Variants in ROBO2 observed in about 807,000 individuals in gnomAD.
ROBO2 encodes roundabout homolog 2.
In ROBO2, 53 loss-of-function variants were observed where a neutral mutation model predicts 160.8. That is an observed-to-expected ratio of 0.33 (90% CI 0.26 to 0.41). The LOEUF (loss-of-function observed/expected upper bound fraction) is 0.41, where lower values mean the gene tolerates loss of function less well. Ranked by LOEUF, ROBO2 falls within the 10% of genes least tolerant of loss-of-function variation. The pLI is 1.00. For synonymous variants in ROBO2, 664 were observed against 611.7 expected, an observed-to-expected ratio of 1.09 and a Z score of -1.26; for missense variants, 1,577 against 1,722.4, an observed-to-expected ratio of 0.92 and a Z score of 1.49.
intron 2 of ROBO2, among the ~76,000 whole-genome samples, chr3:76,707,731 G>GTGTGTATATATATATATATATATA (rs376823667): frequency 7.5e-6 from 1 of 134,196 alleles, no homozygotes; most frequent in Admixed American, 7.7e-5. Context: ...ACATGTGTGT[G>GTGTGTATATATATATATATATATA]TATATATATA....
intron 2 of ROBO2, among the ~76,000 whole-genome samples, chr3:76,207,305 A>T (rs1211408482): frequency 6.6e-6 from 1 of 152,166 alleles, no homozygotes; most frequent in Non-Finnish European, 1.5e-5. Context: ...GTAGTTAAAT[A>T]TATTCTTAAA....
At chr3:77,221,848 CTTTTTCT>C (rs2085847421) in intron 2 of ROBO2, among the ~76,000 whole-genome samples, 3 of 145,044 alleles carry the variant, frequency 2.1e-5, no homozygotes, top group African/African-American at 7.8e-5. Flanking sequence ...TTTTCTTTTT[CTTTTTCT>C]TTTTTTTTTT....
At chr3:76,985,887 T>C (rs2060354809) in intron 2 of ROBO2, among the ~76,000 whole-genome samples, 1 of 152,198 alleles carries the variant, frequency 6.6e-6, no homozygotes, top group Non-Finnish European at 1.5e-5. Flanking sequence ...ATTAACTCCA[T>C]GTGGTCATTA....
At chr3:77,521,791 A>T (rs2090625900) in intron 5 of ROBO2, among the ~76,000 whole-genome samples, 1 of 151,304 alleles carries the variant, frequency 6.6e-6, no homozygotes, top group African/African-American at 2.4e-5. Context: ...ACATCTGGTT[A>T]TGGCAGTTTT....
At chr3:77,332,228 A>G (rs1196609907) in intron 2 of ROBO2, among the ~76,000 whole-genome samples, 1 of 152,180 alleles carries the variant, frequency 6.6e-6, no homozygotes, top group Non-Finnish European at 1.5e-5. Context: ...GAAATGGAAC[A>G]ATATATTTTT....
At chr3:76,075,507 T>C (rs1194612043) in intron 2 of ROBO2, among the ~76,000 whole-genome samples, 1 of 148,566 alleles carries the variant, frequency 6.7e-6, no homozygotes, top group African/African-American at 2.5e-5. Context: ...GTTTTCCATA[T>C]AACAAGTGTC....
At chr3:77,140,314 G>A (rs2076606076) in intron 2 of ROBO2, among the ~76,000 whole-genome samples, 1 of 152,100 alleles carries the variant, frequency 6.6e-6, no homozygotes, top group South Asian at 2.1e-4. Flanking sequence ...ACTAGATTCT[G>A]GGTGAACTAA....
intron 2 of ROBO2, among the ~76,000 whole-genome samples, chr3:77,236,226 C>A (rs925107503): frequency 6.6e-6 from 1 of 152,194 alleles, no homozygotes; most frequent in African/African-American, 2.4e-5. Flanking sequence ...AAGAGCTAAG[C>A]TATTATCTAG....
intron 2 of ROBO2, among the ~76,000 whole-genome samples, chr3:76,917,464 C>G (rs540755990): frequency 1.3e-5 from 2 of 152,096 alleles, no homozygotes; most frequent in East Asian, 3.9e-4. Flanking sequence ...ATTAGGAAAC[C>G]CAAGAAAACT....
At chr3:76,784,642 G>A (rs2062860627) in intron 2 of ROBO2, among the ~76,000 whole-genome samples, 1 of 151,076 alleles carries the variant, frequency 6.6e-6, no homozygotes, top group Admixed American at 6.6e-5. Context: ...AGGATGCTTG[G>A]GGCATTCCTT....
In ROBO2 at chr3:76,788,975, G is replaced by A. The variant is rs918360468; in HGVS notation, c.110-309039G>A. Among the ~76,000 whole-genome samples, 3 of 151,486 alleles carry A rather than the reference G, an allele frequency of 2.0e-5. No individual in the cohort carries two copies. The South Asian group carries it at 6.2e-4, about 31-fold the overall frequency. On this transcript the variant is annotated intron_variant, in intron 2 of 26. Coordinates refer to the ROBO2 transcript ENST00000487694. ...TTGGTAATCCTTAAATAATCAGGCA[G>A]CTGCTATATAGCAAGAAAATGTCAA...
chr3:77,020,027 C>A (rs2062528417), intron 2 of ROBO2, among the ~76,000 whole-genome samples: 1 of 152,140 alleles, frequency 6.6e-6, no homozygotes, highest in Admixed American at 6.5e-5. Flanking sequence ...ATATGCTTAG[C>A]AGAGCACATA....
intron 2 of ROBO2, among the ~76,000 whole-genome samples, chr3:76,543,218 T>G (rs1560120966): frequency 6.6e-6 from 1 of 152,222 alleles, no homozygotes; most frequent in South Asian, 2.1e-4. Context: ...TGTTATGGAC[T>G]GAATTGTGTT....
intron 6 of ROBO2, chr3:77,538,778 T>G (rs2153640943): frequency 2.6e-6 from 1 of 382,140 alleles, no homozygotes; most frequent in Non-Finnish European, 5.2e-6. Flanking sequence ...GAACCCAAAC[T>G]GAGTTGAATA....
At chr3:76,975,112 G>A (rs1037963449) in intron 2 of ROBO2, among the ~76,000 whole-genome samples, 21 of 152,040 alleles carry the variant, frequency 1.4e-4, no homozygotes, top group Admixed American at 1.4e-3. Flanking sequence ...AAAATACATC[G>A]TGCTTTAGTT....
chr3:76,229,928 T>G (rs1704519003), intron 2 of ROBO2, among the ~76,000 whole-genome samples: 1 of 152,174 alleles, frequency 6.6e-6, no homozygotes, highest in South Asian at 2.1e-4. Flanking sequence ...CACCCTGTGC[T>G]GAGATAGAAA....
chr3:77,228,762 A>C (rs929436855), intron 2 of ROBO2, among the ~76,000 whole-genome samples: 1 of 152,210 alleles, frequency 6.6e-6, no homozygotes. Flanking sequence ...TGCAAGATTA[A>C]AAAGAAAATC....
At chr3:76,650,391 C>G (rs1404398409) in intron 2 of ROBO2, among the ~76,000 whole-genome samples, 1 of 152,038 alleles carries the variant, frequency 6.6e-6, no homozygotes, top group Non-Finnish European at 1.5e-5. Flanking sequence ...AGGCTATTTT[C>G]TGTGTAGCAT....
intron 2 of ROBO2, among the ~76,000 whole-genome samples, chr3:76,155,642 G>T (rs1199738922): frequency 6.6e-6 from 1 of 152,098 alleles, no homozygotes; most frequent in African/African-American, 2.4e-5. Flanking sequence ...GGGTAACAAA[G>T]TTCTTTCTTG....
Sources: allele counts gnomAD v4.1 joint callset (sites outside exome capture counted in the v4.1 genomes callset), GRCh38; gene constraint gnomAD v4.1.1; transcripts MANE v1.5; gene names NCBI Gene and HGNC (gene_info 2026-07-23, HGNC 2026-07-21).